The following PRKAR2A variants were observed in gnomAD, a reference collection of about 807,000 sequenced individuals.
PRKAR2A encodes protein kinase cAMP-dependent type II regulatory subunit alpha.
Under a neutral mutation model 51.9 loss-of-function variants are expected in PRKAR2A, and 29 were observed. That is an observed-to-expected ratio of 0.56 (90% CI 0.42 to 0.76). The LOEUF (loss-of-function observed/expected upper bound fraction) is 0.76. Among genes scored for constraint, PRKAR2A ranks in the 30% least tolerant of loss-of-function variants. PRKAR2A has a pLI of 0.00. For missense variants in PRKAR2A, 445 were observed against 512.1 expected (o/e 0.87, Z 1.26); for synonymous variants, 178 against 186.2 (o/e 0.96, Z 0.36).
chr3:48,828,768 G>A (rs2083114862), intron 1 of PRKAR2A, among the ~76,000 whole-genome samples: 1 of 147,926 alleles, frequency 6.8e-6, no homozygotes. Flanking sequence ...TATCCTTTAA[G>A]CCTTTTTTTT....
chr3:48,818,466 T>G (rs937759609), intron 1 of PRKAR2A, among the ~76,000 whole-genome samples: 1 of 152,154 alleles, frequency 6.6e-6, no homozygotes, highest in Non-Finnish European at 1.5e-5. Context: ...GCTTCAGAAC[T>G]TAAACCTGGC....
At chr3:48,767,970 A>G (rs748651198) in intron 6 of PRKAR2A, among the ~76,000 whole-genome samples, 1 of 150,460 alleles carries the variant, frequency 6.6e-6, no homozygotes, top group Non-Finnish European at 1.5e-5. Context: ...GAAAACCCCA[A>G]TATTTTATTT....
At chr3:48,833,251 G>A (rs1342254074) in intron 1 of PRKAR2A, among the ~76,000 whole-genome samples, 1 of 152,050 alleles carries the variant, frequency 6.6e-6, no homozygotes, top group Non-Finnish European at 1.5e-5. Context: ...TATTGCCCAG[G>A]CTGGTCTTGA....
chr3:48,805,287 G>C (rs374305275), intron 2 of PRKAR2A, among the ~76,000 whole-genome samples: 1 of 152,164 alleles, frequency 6.6e-6, no homozygotes, highest in Non-Finnish European at 1.5e-5. Context: ...AGAATCAATA[G>C]AGACATTCAC....
intron 4 of PRKAR2A, among the ~76,000 whole-genome samples, chr3:48,789,342 C>T (rs1307352168): frequency 6.6e-6 from 1 of 152,138 alleles, no homozygotes. Flanking sequence ...CTGTTCCACC[C>T]ACAAATGTAA....
At chr3:48,753,064 C>A (rs1000228183) in intron 9 of PRKAR2A, among the ~76,000 whole-genome samples, 2 of 150,978 alleles carry the variant, frequency 1.3e-5, no homozygotes, top group Non-Finnish European at 2.9e-5. Context: ...TCCCAAGTAG[C>A]TGGGACCACA....
intron 1 of PRKAR2A, among the ~76,000 whole-genome samples, chr3:48,843,852 C>T (rs1336468890): frequency 4.0e-5 from 6 of 151,612 alleles, no homozygotes; most frequent in Admixed American, 1.3e-4. Flanking sequence ...GGATTAAAGA[C>T]TTAAACGTTA....
At chr3:48,812,272 T>C (rs2082786982) in intron 1 of PRKAR2A, among the ~76,000 whole-genome samples, 2 of 152,066 alleles carry the variant, frequency 1.3e-5, no homozygotes, top group African/African-American at 2.4e-5. Context: ...TAGTAAATAT[T>C]TACTATATGC....
At chr3:48,762,492 G>A (rs1269384768) in intron 8 of PRKAR2A, among the ~76,000 whole-genome samples, 1 of 152,140 alleles carries the variant, frequency 6.6e-6, no homozygotes, top group East Asian at 1.9e-4. Flanking sequence ...AAAATTAGCT[G>A]GGCAGAGTGA....
chr3:48,797,159 T>TTTA (rs901478431), intron 2 of PRKAR2A, among the ~76,000 whole-genome samples: 44 of 151,794 alleles, frequency 2.9e-4, no homozygotes, highest in Admixed American at 5.9e-4. Context: ...TTTATTTATT[T>TTTA]TTATTATTAT....
Position 48,809,191 on chromosome 3 carries a change from T to C in PRKAR2A, c.263-1507A>G, listed in dbSNP as rs80336461. 3.1e-3 allele frequency among the ~76,000 whole-genome samples: 467 copies of C among 152,292 alleles called. 2 individuals are homozygous for C. Among genetic ancestry groups the C allele is most frequent in the African/African-American group, 0.011 (455 of 41,572 alleles). Reference sequence around the variant, plus strand: ...ATGAGTCATTGCAAATTAGATTGTATAAAGATCACTTTGGCTATAGTTGAT... The same window carrying C: ...ATGAGTCATTGCAAATTAGATTGTACAAAGATCACTTTGGCTATAGTTGAT... On this transcript the variant is annotated intron_variant, in intron 1 of 10. Coordinates refer to ENST00000265563, the MANE Select transcript of PRKAR2A (RefSeq NM_004157.4).
At position 48,847,580 on chromosome 3, in the gene PRKAR2A, A is replaced by G; in HGVS notation, c.17T>C (p.Ile6Thr). The G allele has an allele frequency of 6.5e-7, 1 of 1,537,398 alleles. No homozygotes were observed. Among genetic ancestry groups the G allele is most frequent in the South Asian group, 1.3e-5 (1 of 79,320 alleles). The change falls in exon 1 of 11, where the codon ATC becomes ACC. Residue 6 changes from isoleucine (I) to threonine (T), a missense_variant. By Grantham distance (89) the Ile-to-Thr change is moderately conservative. Transcript: ENST00000265563. The surrounding 1 kb of genome is among the most constrained non-coding windows in gnomAD (Gnocchi z 4.4). ...CAGCAGCTCCGTGAGCCCCGGCGGGATCTGGATGTGGCTCATGCCGGCGGC... is the reference window on the plus strand; with the variant it reads ...CAGCAGCTCCGTGAGCCCCGGCGGGGTCTGGATGTGGCTCATGCCGGCGGC... MSHIQ[I>T]PPGLTELLQG...
downstream of PRKAR2A, chr3:48,744,751 G>T (rs548323052): frequency 1.3e-5 from 2 of 152,260 alleles, no homozygotes; most frequent in Non-Finnish European, 2.9e-5. Flanking sequence ...CTGCAACAAG[G>T]CGCTTCCTTT....
rs114484892 is a variant in PRKAR2A at position 48,801,174 on chromosome 3, C to A, written c.298+6475G>T. ...TTTGTATTTTTATTATTTTTTGAGA[C>A]GGAATTTCGCTCTTGTTGCCTAGGC... is the stretch of plus-strand genomic sequence containing the variant. On this transcript the variant is annotated intron_variant, in intron 2 of 10. Coordinates refer to ENST00000265563, the MANE Select transcript of PRKAR2A (RefSeq NM_004157.4). Among the ~76,000 whole-genome samples the A allele has an allele frequency of 5.2e-3, 792 of 152,102 alleles. 10 individuals are homozygous for A. Among genetic ancestry groups the A allele is most frequent in the African/African-American group, 0.018 (755 of 41,500 alleles).
intron 1 of PRKAR2A, among the ~76,000 whole-genome samples, chr3:48,811,400 G>T (rs192183237): frequency 1.2e-4 from 18 of 152,250 alleles, no homozygotes; most frequent in African/African-American, 4.3e-4. Context: ...GCTTGAGCCT[G>T]GGAGGTCAAG....
At chr3:48,820,061 T>C (rs1236143696) in intron 1 of PRKAR2A, among the ~76,000 whole-genome samples, 3 of 152,156 alleles carry the variant, frequency 2.0e-5, no homozygotes, top group Non-Finnish European at 2.9e-5. Context: ...GGAACAAGCA[T>C]AGAACATTCA....
chr3:48,751,401 G>C lies in PRKAR2A; in HGVS notation c.*184C>G. The stretch of plus-strand genomic sequence containing the variant: ...GCCTTCAGAAGCAAAGTGGAGGTGT[G>C]GGTTGAACCTCTGCCCATCCTTTAG... On this transcript the variant is annotated 3_prime_UTR_variant, in exon 11 of 11. Coordinates refer to ENST00000265563, the MANE Select transcript of PRKAR2A (RefSeq NM_004157.4). The C allele has an allele frequency of 1.2e-6, 1 of 819,772 alleles. No individual in the cohort carries two copies. Among genetic ancestry groups the C allele is most frequent in the Non-Finnish European group, 2.0e-6 (1 of 492,734 alleles). 50.8% of individuals were successfully genotyped at this position (819,772 alleles called of 1,614,324 possible). A position where few individuals can be genotyped will look rare whatever the true frequency, so the allele number is the denominator to read the frequency against.
chr3:48,823,816 CT>C (rs1481012602), intron 1 of PRKAR2A, among the ~76,000 whole-genome samples: 1 of 150,576 alleles, frequency 6.6e-6, no homozygotes, highest in African/African-American at 2.4e-5. Flanking sequence ...AAAAAATCTT[CT>C]ACCAGAAATC....
intron 5 of PRKAR2A, among the ~76,000 whole-genome samples, chr3:48,776,138 C>A (rs1051973764): frequency 6.6e-6 from 1 of 151,788 alleles, no homozygotes; most frequent in Admixed American, 6.6e-5. Context: ...ACAAACGATA[C>A]AATTATTTAT....
Sources: allele counts gnomAD v4.1 joint callset (sites outside exome capture counted in the v4.1 genomes callset), GRCh38; gene constraint gnomAD v4.1.1; non-coding constraint Gnocchi (gnomAD v3.1); transcripts MANE v1.5; gene names NCBI Gene and HGNC (gene_info 2026-07-23, HGNC 2026-07-21).